The following PLCL1 variants were observed in gnomAD, a reference collection of about 807,000 sequenced individuals.
PLCL1 encodes inactive phospholipase C-like protein 1.
In PLCL1, 41 loss-of-function variants were observed where a neutral mutation model predicts 84.4. That is an observed-to-expected ratio of 0.49 (90% CI 0.38 to 0.63). The LOEUF is 0.63. Among genes scored for constraint, PLCL1 ranks in the 30% least tolerant of loss-of-function variants. The pLI is 0.00. For synonymous variants in PLCL1, 490 were observed against 488.3 expected (o/e 1.00, Z -0.05); for missense variants, 1,206 against 1,367.8 (o/e 0.88, Z 1.87).
chr2:197,961,574 A>T (rs1397356548), intron 1 of PLCL1, among the ~76,000 whole-genome samples: 2 of 152,038 alleles, frequency 1.3e-5, no homozygotes, highest in Non-Finnish European at 2.9e-5. Flanking sequence ...GAATAACCTT[A>T]GTAAAGGACT....
At chr2:198,032,005 A>G (rs1691440345) in intron 1 of PLCL1, among the ~76,000 whole-genome samples, 1 of 152,206 alleles carries the variant, frequency 6.6e-6, no homozygotes, top group Non-Finnish European at 1.5e-5. Context: ...TAAATCCACA[A>G]TAAATTCAAT....
chr2:197,987,577 A>G (rs372969993), intron 1 of PLCL1, among the ~76,000 whole-genome samples: 32 of 152,210 alleles, frequency 2.1e-4, no homozygotes, highest in African/African-American at 7.5e-4. Flanking sequence ...TGAATGAAGA[A>G]GTGACATTCG....
At chr2:198,100,161 G>A (rs925646198) in intron 3 of PLCL1, among the ~76,000 whole-genome samples, 5 of 151,978 alleles carry the variant, frequency 3.3e-5, no homozygotes, top group South Asian at 2.1e-4. Context: ...AAAGCAAAAC[G>A]GGGAAAAAAG....
At chr2:198,061,586 CA>C (rs1446084259) in intron 1 of PLCL1, among the ~76,000 whole-genome samples, 4 of 130,998 alleles carry the variant, frequency 3.1e-5, no homozygotes, top group Non-Finnish European at 5.1e-5. Flanking sequence ...TCCTCCATTG[CA>C]AATGTATCGT....
intron 1 of PLCL1, among the ~76,000 whole-genome samples, chr2:197,835,880 T>G (rs947439616): frequency 6.6e-6 from 1 of 152,212 alleles, no homozygotes; most frequent in African/African-American, 2.4e-5. Context: ...TAATGACTTC[T>G]GCAGGAGCCG....
At chr2:198,016,536 C>G (rs1293205994) in intron 1 of PLCL1, among the ~76,000 whole-genome samples, 3 of 152,316 alleles carry the variant, frequency 2.0e-5, no homozygotes, top group South Asian at 2.1e-4. Flanking sequence ...AATCTCAGCT[C>G]TGGCTCTTTC....
intron 1 of PLCL1, among the ~76,000 whole-genome samples, chr2:197,970,791 A>C (rs565618963): frequency 6.6e-6 from 1 of 152,308 alleles, no homozygotes; most frequent in East Asian, 1.9e-4. Flanking sequence ...TGAGATATGC[A>C]ACATTAATGT....
At chr2:197,883,273 G>A (rs2105717185) in intron 1 of PLCL1, among the ~76,000 whole-genome samples, 1 of 152,266 alleles carries the variant, frequency 6.6e-6, no homozygotes, top group African/African-American at 2.4e-5. Flanking sequence ...TAAACCTATT[G>A]TCAGCCTGAC....
intron 5 of PLCL1, among the ~76,000 whole-genome samples, chr2:198,113,456 G>A (rs773379842): frequency 6.6e-6 from 1 of 151,882 alleles, no homozygotes; most frequent in Non-Finnish European, 1.5e-5. Context: ...GGGGGAAGCT[G>A]TCATTTAACA....
At chr2:197,831,279 A>C (rs983493897) in intron 1 of PLCL1, among the ~76,000 whole-genome samples, 1 of 152,206 alleles carries the variant, frequency 6.6e-6, no homozygotes. Context: ...GACCCATCTC[A>C]CATGCAAAGA....
At chr2:198,129,930 T>C (rs1266506819) in intron 5 of PLCL1, among the ~76,000 whole-genome samples, 2 of 152,152 alleles carry the variant, frequency 1.3e-5, no homozygotes, top group Non-Finnish European at 2.9e-5. Flanking sequence ...ATGGACACTT[T>C]TCCAGTTTTT....
At chr2:198,101,399 A>G (rs772341898) in intron 4 of PLCL1, 39 bp downstream of exon 4, 2 of 1,104,606 alleles carry the variant, frequency 1.8e-6, no homozygotes, top group Non-Finnish European at 2.6e-6. Flanking sequence ...TTTTTTTTCT[A>G]TTTTGTTTGG....
At chr2:198,093,826 A>G (rs1309328973) in intron 3 of PLCL1, among the ~76,000 whole-genome samples, 1 of 152,194 alleles carries the variant, frequency 6.6e-6, no homozygotes, top group African/African-American at 2.4e-5. Context: ...TGTTGAAAGC[A>G]AACTTGAGTG....
At chr2:198,136,684 G>A (rs1404886006) in intron 5 of PLCL1, among the ~76,000 whole-genome samples, 2 of 152,040 alleles carry the variant, frequency 1.3e-5, no homozygotes, top group South Asian at 4.2e-4. Context: ...CAGTACAGGG[G>A]CCCTGAGAAT....
At chr2:198,087,386 G>T (rs1692911682) in intron 2 of PLCL1, among the ~76,000 whole-genome samples, 1 of 152,034 alleles carries the variant, frequency 6.6e-6, no homozygotes, top group Admixed American at 6.6e-5. Context: ...TACTTATTAG[G>T]CTAGTGTTAT....
At chr2:197,948,266 G>A (rs77495367) in intron 1 of PLCL1, among the ~76,000 whole-genome samples, 3,301 of 152,198 alleles carry the variant, frequency 0.022, 146 homozygotes, top group African/African-American at 0.072. Context: ...AACTAAGAAC[G>A]CTGGAGTAGA....
At chr2:197,980,639 A>G (rs1161195135) in intron 1 of PLCL1, among the ~76,000 whole-genome samples, 1 of 152,178 alleles carries the variant, frequency 6.6e-6, no homozygotes, top group Non-Finnish European at 1.5e-5. Context: ...AGCACCTTCT[A>G]TGTACTGGGA....
At chr2:198,017,940 C>T (rs1691036440) in intron 1 of PLCL1, among the ~76,000 whole-genome samples, 1 of 152,146 alleles carries the variant, frequency 6.6e-6, no homozygotes, top group Non-Finnish European at 1.5e-5. Flanking sequence ...GGCTCCCAGG[C>T]AAGATGGCTG....
chr2:197,840,783 T>C lies in PLCL1; in HGVS notation c.240+35444T>C, dbSNP rs78000833. On this transcript the variant is annotated intron_variant, in intron 1 of 5. Coordinates refer to ENST00000428675, the MANE Select transcript of PLCL1 (RefSeq NM_006226.4). The stretch of plus-strand genomic sequence containing the variant: ...GGAAGCCGAATGGACCATAGCACCC[T>C]AGCTTCCTTTATAGTCCCCTTTGTT... Among the ~76,000 whole-genome samples the C allele has an allele frequency of 3.5e-4, 53 of 152,276 alleles. 1 individual carries two copies. In the East Asian group the frequency reaches 8.9e-3, roughly 26 times the overall value.
Sources: gnomAD v4.1 joint callset for allele counts (sites outside exome capture counted in the v4.1 genomes callset) on GRCh38, gnomAD v4.1.1 for gene constraint, MANE v1.5 for transcripts, NCBI Gene and HGNC (gene_info 2026-07-23, HGNC 2026-07-21) for gene names.